Variants in SEC14L1 observed in about 807,000 individuals in gnomAD.
The protein encoded by SEC14L1 is SEC14-like protein 1.
Under a neutral mutation model 85.3 loss-of-function variants are expected in SEC14L1, and 48 were observed. The observed-to-expected ratio is 0.56, with a 90% CI of 0.45 to 0.72. The LOEUF is 0.72. Ranked by LOEUF, SEC14L1 falls within the 30% of genes least tolerant of loss-of-function variation. The probability of loss-of-function intolerance (pLI) is 0.00; values close to 1 mark genes in which losing one functional copy is unlikely to be tolerated. For missense variants in SEC14L1, 682 were observed against 921.4 expected (o/e 0.74, Z 3.36); for synonymous variants, 391 against 355.5 (o/e 1.10, Z -1.12).
chr17:77,106,361 G>C (rs976342174), intron 3 of SEC14L1, among the ~76,000 whole-genome samples: 43 of 151,824 alleles, frequency 2.8e-4, no homozygotes, highest in African/African-American at 9.4e-4. Context: ...GTGAAACCCC[G>C]TCTCTACTAA....
chr17:77,127,363 T>G (rs1972481216), intron 3 of SEC14L1, among the ~76,000 whole-genome samples: 1 of 150,052 alleles, frequency 6.7e-6, no homozygotes, highest in Non-Finnish European at 1.5e-5. Flanking sequence ...TTCTTTTCTT[T>G]TTTTGAGATG....
chr17:77,149,501 A>G (rs1414543356), intron 3 of SEC14L1, among the ~76,000 whole-genome samples: 1 of 152,140 alleles, frequency 6.6e-6, no homozygotes, highest in Non-Finnish European at 1.5e-5. Context: ...TTCGAGACCA[A>G]CTTGGGCAAC....
At chr17:77,132,713 T>G (rs1248315432) in intron 3 of SEC14L1, among the ~76,000 whole-genome samples, 1 of 152,244 alleles carries the variant, frequency 6.6e-6, no homozygotes, top group Non-Finnish European at 1.5e-5. Flanking sequence ...AAGGCATTAT[T>G]GAGCATTATC....
intron 8 of SEC14L1, among the ~76,000 whole-genome samples, chr17:77,197,908 G>A (rs574059984): frequency 1.3e-5 from 2 of 152,278 alleles, no homozygotes; most frequent in South Asian, 2.1e-4. Flanking sequence ...GCCCAACCTC[G>A]AATGACTTTT....
chr17:77,183,447 A>C (rs1355903320), intron 3 of SEC14L1, among the ~76,000 whole-genome samples: 4 of 152,228 alleles, frequency 2.6e-5, no homozygotes, highest in African/African-American at 7.2e-5. Flanking sequence ...GTATTGCCTA[A>C]GAATAGATAT....
chr17:77,092,970 AAAAG>A (rs1278593208), intron 2 of SEC14L1, among the ~76,000 whole-genome samples: 4 of 151,174 alleles, frequency 2.6e-5, no homozygotes, highest in African/African-American at 2.4e-5. Flanking sequence ...AAAAAAAAAA[AAAAG>A]AAAGGGAAAG....
intron 3 of SEC14L1, among the ~76,000 whole-genome samples, chr17:77,170,232 T>A (rs1447756046): frequency 6.6e-6 from 1 of 152,134 alleles, no homozygotes; most frequent in East Asian, 1.9e-4. Flanking sequence ...TAAACTTTCT[T>A]TTTTAACGTG....
At chr17:77,119,501 G>A (rs1402490984) in intron 3 of SEC14L1, among the ~76,000 whole-genome samples, 2 of 152,102 alleles carry the variant, frequency 1.3e-5, no homozygotes, top group South Asian at 2.1e-4. Flanking sequence ...TCAAGGAGCC[G>A]GTATCCCTGT....
chr17:77,127,448 C>T (rs1273049434), intron 3 of SEC14L1, among the ~76,000 whole-genome samples: 2 of 152,172 alleles, frequency 1.3e-5, no homozygotes, highest in Non-Finnish European at 2.9e-5. Context: ...CCCTTGGGTT[C>T]AAGCAATTCT....
intron 3 of SEC14L1, among the ~76,000 whole-genome samples, chr17:77,155,002 A>T (rs1567898077): frequency 6.6e-6 from 1 of 152,060 alleles, no homozygotes; most frequent in Admixed American, 6.6e-5. Flanking sequence ...CCCCAGTTGT[A>T]TATTTTGCAT....
rs537874405 is a variant in SEC14L1 at position 77,100,735 on chromosome 17, C to T, written c.-136+7388C>T. On this transcript the variant is annotated intron_variant, in intron 3 of 19. Coordinates refer to the SEC14L1 transcript ENST00000392476. ...TACAGGAGTGAGCCACCGCGCCCAG[C>T]CTGGGCTTTCTCTGAACCTGCTGCT... Among the ~76,000 whole-genome samples the T allele has an allele frequency of 9.5e-4, 144 of 152,166 alleles. 1 individual carries two copies. Among genetic ancestry groups the T allele is most frequent in the Middle Eastern group, 6.8e-3 (2 of 292 alleles).
chr17:77,120,064 A>G (rs1196615642), intron 3 of SEC14L1, among the ~76,000 whole-genome samples: 1 of 152,124 alleles, frequency 6.6e-6, no homozygotes, highest in African/African-American at 2.4e-5. Flanking sequence ...AGACTGACAA[A>G]CATCGTCTTA....
rs574700785 is a variant in SEC14L1 at position 77,152,264 on chromosome 17, G to A, written c.63+8605G>A. Reference sequence around the variant, plus strand: ...GAAATGGTCAGTGCTGGCTGGGCACGGTGGCTCATGCCTGTAATCCCAGCC... The same window carrying A: ...GAAATGGTCAGTGCTGGCTGGGCACAGTGGCTCATGCCTGTAATCCCAGCC... On this transcript the variant is annotated intron_variant, in intron 3 of 16. Transcript: ENST00000436233. Among the ~76,000 whole-genome samples, 146 of 152,072 alleles carry A rather than the reference G, an allele frequency of 9.6e-4. 6 individuals carry two copies. In the South Asian group the frequency reaches 0.03, roughly 31 times the overall value.
intron 8 of SEC14L1, chr17:77,199,554 CTT>C (rs984715000): frequency 2.0e-5 from 3 of 153,742 alleles, no homozygotes; most frequent in African/African-American, 7.2e-5. Context: ...GTTTAATTCT[CTT>C]TTGTCTCTGG....
chr17:77,126,289 T>C (rs1248035146), intron 3 of SEC14L1, among the ~76,000 whole-genome samples: 2 of 152,240 alleles, frequency 1.3e-5, no homozygotes, highest in Non-Finnish European at 2.9e-5. Flanking sequence ...TGGGCTGTGA[T>C]GAAGATCATC....
In SEC14L1 at chr17:77,214,167, G is replaced by A. The variant is rs563883704; in HGVS notation, c.*144G>A. On this transcript the variant is annotated 3_prime_UTR_variant, in exon 17 of 17. Coordinates refer to ENST00000436233, the MANE Select transcript of SEC14L1 (RefSeq NM_001143998.2). ...TAGCTCTCAGATGGTAAACGTAGTCGTTTGATCCCAAAACTACCTTGGCAG... is the reference window on the plus strand; with the variant it reads ...TAGCTCTCAGATGGTAAACGTAGTCATTTGATCCCAAAACTACCTTGGCAG... 1.5e-5 allele frequency: 21 copies of A among 1,425,994 alleles called. No homozygotes were observed. Among genetic ancestry groups the A allele is most frequent in the Admixed American group, 6.2e-5 (2 of 32,398 alleles). 88.3% of individuals were successfully genotyped at this position (1,425,994 alleles called of 1,614,324 possible).
intron 3 of SEC14L1, among the ~76,000 whole-genome samples, chr17:77,159,164 C>G (rs1598319207): frequency 8.7e-6 from 1 of 115,164 alleles, no homozygotes; most frequent in Non-Finnish European, 1.9e-5. Context: ...CCTCCTGGGT[C>G]AAGCAATTCT....
intron 3 of SEC14L1, among the ~76,000 whole-genome samples, chr17:77,164,914 A>G (rs1974219266): frequency 6.6e-6 from 1 of 152,240 alleles, no homozygotes; most frequent in Non-Finnish European, 1.5e-5. Flanking sequence ...TATTCAGGCC[A>G]CAATGGAGCT....
rs1289509591 is a variant in SEC14L1, at chr17:77,194,905, C to T, written c.703C>T (p.Pro235Ser). ...CGCACCTGAGCCCGTGGTGGGCACC[C>T]CTGACGGTGGGTCTGGCAGGGGCTT... ...PSAPEPVVGTPDDKLDADYIK... is the reference protein window; with the variant it reads ...PSAPEPVVGTSDDKLDADYIK... Residue 235 changes from proline (P) to serine (S), a missense_variant, in exon 7 of 17, where the codon CCT becomes TCT. By Grantham distance (74) the Pro-to-Ser change is moderately conservative (BLOSUM62 -1). Coordinates refer to ENST00000436233, the MANE Select transcript of SEC14L1 (RefSeq NM_001143998.2). The T allele has an allele frequency of 1.2e-6, 2 of 1,612,738 alleles. No homozygotes were observed. The highest frequency in any genetic ancestry group is 8.5e-7 in the Non-Finnish European group (1 of 1,178,742).
Sources: allele counts gnomAD v4.1 joint callset (sites outside exome capture counted in the v4.1 genomes callset), GRCh38; gene constraint gnomAD v4.1.1; transcripts MANE v1.5; gene names NCBI Gene and HGNC (gene_info 2026-07-23, HGNC 2026-07-21).